PDE4B: variants seen among roughly 807,000 people sequenced by gnomAD.
PDE4B encodes the protein phosphodiesterase 4B, also known as 3',5'-cyclic-AMP phosphodiesterase 4B.
Under a neutral mutation model 82.2 loss-of-function variants are expected in PDE4B, and 20 were observed. The observed-to-expected ratio is 0.24, with a 90% CI of 0.17 to 0.35. The LOEUF (loss-of-function observed/expected upper bound fraction) is 0.35. PDE4B is among the 10% of genes least tolerant of loss of function. PDE4B has a pLI of 1.00. For synonymous variants in PDE4B, 320 were observed against 318.9 expected (o/e 1.00, Z -0.04); for missense variants, 655 against 907.2 (o/e 0.72, Z 3.57).
Position 66,257,703 on chromosome 1 carries a change from T to C in PDE4B, c.513+20T>C, listed in dbSNP as rs1424570673. ...GCCCAGGTATGTATTATGCTGGCCCTGGCTTGCTTTCACTGTCGCTGGTTT... is the reference window on the plus strand; with the variant it reads ...GCCCAGGTATGTATTATGCTGGCCCCGGCTTGCTTTCACTGTCGCTGGTTT... On this transcript the variant is annotated intron_variant, in intron 5 of 16. Coordinates refer to ENST00000341517, the MANE Select transcript of PDE4B (RefSeq NM_002600.4). 6.2e-7 allele frequency: 1 copy of C among 1,612,684 alleles called. No individual in the cohort carries two copies. Among genetic ancestry groups the C allele is most frequent in the South Asian group, 1.1e-5 (1 of 91,052 alleles).
intron 16 of PDE4B, among the ~76,000 whole-genome samples, chr1:66,371,316 G>A (rs2050774855): frequency 6.6e-6 from 1 of 150,592 alleles, no homozygotes; most frequent in South Asian, 2.1e-4. Context: ...AAATCCCAAT[G>A]CAGCATCTCT....
At position 65,947,923 on chromosome 1, in the gene PDE4B, T is replaced by C. The variant is rs903682431; in HGVS notation, c.281+29088T>C. On this transcript the variant is annotated intron_variant, in intron 3 of 16. Coordinates refer to ENST00000341517, the MANE Select transcript of PDE4B (RefSeq NM_002600.4). ...AGCAGCCATAGGAAACTAATACAGA[T>C]GCAATATATATACTATATATAATAT... Among the ~76,000 whole-genome samples, 11 of 148,908 alleles carry C rather than the reference T, an allele frequency of 7.4e-5. No homozygotes were observed. The East Asian group carries it at 2.1e-3, about 29-fold the overall frequency.
At chr1:66,282,033 T>A (rs1402834641) in intron 7 of PDE4B, among the ~76,000 whole-genome samples, 1 of 152,168 alleles carries the variant, frequency 6.6e-6, no homozygotes, top group African/African-American at 2.4e-5. Flanking sequence ...TAAGTAAAGG[T>A]GCATGTGATG....
chr1:66,138,730 C>T (rs1175678444), intron 3 of PDE4B, among the ~76,000 whole-genome samples: 1 of 152,186 alleles, frequency 6.6e-6, no homozygotes, highest in African/African-American at 2.4e-5. Context: ...TCAGCCTTAT[C>T]ATTTATGTGC....
At chr1:66,366,890 A>C (rs776407245) in intron 13 of PDE4B, among the ~76,000 whole-genome samples, 39 of 152,228 alleles carry the variant, frequency 2.6e-4, no homozygotes, top group Admixed American at 5.9e-4. Flanking sequence ...CTGTTAAAGC[A>C]ATGATATATG....
intron 1 of PDE4B, among the ~76,000 whole-genome samples, chr1:65,821,328 G>C (rs1019375308): frequency 6.6e-6 from 1 of 152,176 alleles, no homozygotes; most frequent in Non-Finnish European, 1.5e-5. Flanking sequence ...GTGCCCCTTG[G>C]TAGAATGATT....
chr1:65,958,248 TA>T (rs1044714541), intron 3 of PDE4B, among the ~76,000 whole-genome samples: 3 of 152,076 alleles, frequency 2.0e-5, no homozygotes, highest in African/African-American at 7.2e-5. Flanking sequence ...ATGGTTTTTT[TA>T]AAAAATTTAT....
rs757133464 is a variant in PDE4B at position 66,314,795 on chromosome 1, C to T, written c.635-17713C>T. Among the ~76,000 whole-genome samples, 6 of 152,172 alleles carry T rather than the reference C, an allele frequency of 3.9e-5. No homozygotes were observed. In the East Asian group the frequency reaches 5.8e-4, roughly 15 times the overall value. Reference sequence around the variant, plus strand: ...TCATTTTGGCCGCCATGCCATTCCGCGTATGGTTACCGTTGCCTGGCTTGT... The same window carrying T: ...TCATTTTGGCCGCCATGCCATTCCGTGTATGGTTACCGTTGCCTGGCTTGT... On this transcript the variant is annotated intron_variant, in intron 7 of 16. Coordinates refer to ENST00000341517, the MANE Select transcript of PDE4B (RefSeq NM_002600.4).
intron 3 of PDE4B, among the ~76,000 whole-genome samples, chr1:65,951,476 A>T (rs1330113171): frequency 6.6e-6 from 1 of 152,096 alleles, no homozygotes; most frequent in Non-Finnish European, 1.5e-5. Flanking sequence ...CAGTAAAAAA[A>T]GTGTCACCTC....
chr1:66,269,047 G>A (rs371286221), intron 7 of PDE4B, among the ~76,000 whole-genome samples: 1 of 151,992 alleles, frequency 6.6e-6, no homozygotes, highest in Non-Finnish European at 1.5e-5. Flanking sequence ...ATAAAATTTG[G>A]GGACTTTATG....
At chr1:65,906,037 T>C (rs1274629877) in intron 1 of PDE4B, among the ~76,000 whole-genome samples, 1 of 152,112 alleles carries the variant, frequency 6.6e-6, no homozygotes, top group African/African-American at 2.4e-5. Flanking sequence ...TGGATGGAAA[T>C]GGGGGTTTTG....
chr1:65,911,434 T>G (rs1399424643), intron 1 of PDE4B, among the ~76,000 whole-genome samples: 1 of 152,172 alleles, frequency 6.6e-6, no homozygotes, highest in Non-Finnish European at 1.5e-5. Context: ...AACTTTACAG[T>G]TATAATCATT....
chr1:66,135,915 G>A (rs896197747), intron 3 of PDE4B, among the ~76,000 whole-genome samples: 1 of 152,154 alleles, frequency 6.6e-6, no homozygotes, highest in Non-Finnish European at 1.5e-5. Context: ...TGGAATGAGG[G>A]AGGAAAAATT....
intron 7 of PDE4B, among the ~76,000 whole-genome samples, chr1:66,271,199 AAC>A (rs746581793): frequency 1.3e-5 from 2 of 152,262 alleles, no homozygotes; most frequent in African/African-American, 2.4e-5. Flanking sequence ...TGTCAAATAT[AAC>A]ACCCTGCTTA....
chr1:66,116,471 A>C (rs1645596034), intron 3 of PDE4B, among the ~76,000 whole-genome samples: 1 of 152,278 alleles, frequency 6.6e-6, no homozygotes. Context: ...CTGTTTCATC[A>C]TACAGCATAG....
chr1:65,821,481 A>G (rs1209612010), intron 1 of PDE4B, among the ~76,000 whole-genome samples: 2 of 152,222 alleles, frequency 1.3e-5, no homozygotes, highest in East Asian at 3.8e-4. Flanking sequence ...GCTGTCTCCT[A>G]AAGAAGTCTA....
At chr1:65,918,497 T>C (rs1647186986) in intron 2 of PDE4B, 100 bp from the exon 3 acceptor site, 2 of 706,582 alleles carry the variant, frequency 2.8e-6, no homozygotes, top group Admixed American at 2.2e-5. Flanking sequence ...CAGGACATCA[T>C]AAGTGACAGC....
In PDE4B at chr1:66,133,804, T is replaced by C. The variant is rs867807483; in HGVS notation, c.282-113656T>C. On this transcript the variant is annotated intron_variant, in intron 3 of 16. Coordinates refer to ENST00000341517, the MANE Select transcript of PDE4B (RefSeq NM_002600.4). Reference sequence around the variant, plus strand: ...GCAGAGCCCAGGCCCTTTGTACTCTTAGGCCCCAAACCTGGAAGGTGGGGA... The same window carrying C: ...GCAGAGCCCAGGCCCTTTGTACTCTCAGGCCCCAAACCTGGAAGGTGGGGA... Among the ~76,000 whole-genome samples, 46 of 152,154 alleles carry C rather than the reference T, an allele frequency of 3.0e-4. 1 individual carries two copies. The highest frequency in any genetic ancestry group is 8.9e-4 in the African/African-American group (37 of 41,436).
At chr1:66,123,225 A>T (rs1036296712) in intron 3 of PDE4B, among the ~76,000 whole-genome samples, 7 of 152,056 alleles carry the variant, frequency 4.6e-5, no homozygotes, top group African/African-American at 1.7e-4. Context: ...GGCTTGCTTT[A>T]TGTCTTTTCT....
Sources: gnomAD v4.1 joint callset for allele counts (sites outside exome capture counted in the v4.1 genomes callset) on GRCh38, gnomAD v4.1.1 for gene constraint, MANE v1.5 for transcripts, NCBI Gene and HGNC (gene_info 2026-07-23, HGNC 2026-07-21) for gene names.